MKLN1: variants seen among roughly 807,000 people sequenced by gnomAD.
MKLN1 encodes muskelin.
Under a neutral mutation model 99.0 loss-of-function variants are expected in MKLN1, and 18 were observed. The observed-to-expected ratio is 0.18, with a 90% confidence interval of 0.13 to 0.27. The LOEUF (loss-of-function observed/expected upper bound fraction) is 0.27, where lower values mean the gene tolerates loss of function less well. MKLN1 is among the 10% of genes least tolerant of loss of function. MKLN1 has a pLI of 1.00. For synonymous variants in MKLN1, 288 were observed against 293.2 expected, an observed-to-expected ratio of 0.98 and a Z score of 0.18; for missense variants, 621 against 875.9, an observed-to-expected ratio of 0.71 and a Z score of 3.67.
intron 3 of MKLN1, among the ~76,000 whole-genome samples, chr7:131,235,514 T>C (rs1178147962): frequency 6.6e-6 from 1 of 151,896 alleles, no homozygotes; most frequent in Non-Finnish European, 1.5e-5. Flanking sequence ...TTCTGGTGAG[T>C]TTTTGGCTTG....
intron 3 of MKLN1, among the ~76,000 whole-genome samples, chr7:131,228,367 C>T (rs1457204012): frequency 6.6e-6 from 1 of 152,172 alleles, no homozygotes; most frequent in African/African-American, 2.4e-5. Flanking sequence ...ATTTGACCAC[C>T]TCGGCCTCCC....
At chr7:131,172,562 G>GC (rs1003238152) in intron 2 of MKLN1, among the ~76,000 whole-genome samples, 19 of 152,170 alleles carry the variant, frequency 1.2e-4, no homozygotes, top group Non-Finnish European at 2.2e-4. Context: ...TGATCCACCT[G>GC]CCTCGGCCTC....
chr7:131,256,169 G>C (rs1205566196), intron 3 of MKLN1, among the ~76,000 whole-genome samples: 1 of 152,086 alleles, frequency 6.6e-6, no homozygotes, highest in African/African-American at 2.4e-5. Flanking sequence ...GCCTCCCAAA[G>C]TGCTGGGATT....
At chr7:131,184,958 T>C (rs1796427636) in intron 2 of MKLN1, among the ~76,000 whole-genome samples, 1 of 152,178 alleles carries the variant, frequency 6.6e-6, no homozygotes, top group African/African-American at 2.4e-5. Context: ...GGATCTACTG[T>C]ATAACTTGCC....
chr7:131,164,274 G>A (rs1173984278), intron 2 of MKLN1, among the ~76,000 whole-genome samples: 2 of 152,098 alleles, frequency 1.3e-5, no homozygotes, highest in African/African-American at 4.8e-5. Flanking sequence ...ACCATGCCTA[G>A]CTAATTTTTG....
intron 1 of MKLN1, among the ~76,000 whole-genome samples, chr7:131,120,191 A>C (rs1234318546): frequency 3.4e-5 from 4 of 117,930 alleles, no homozygotes; most frequent in Admixed American, 1.7e-4. Context: ...AAAAAAAAAG[A>C]AGCAGCCAGG....
chr7:131,240,545 T>C (rs1797387889), intron 3 of MKLN1, among the ~76,000 whole-genome samples: 2 of 152,238 alleles, frequency 1.3e-5, no homozygotes, highest in South Asian at 2.1e-4. Flanking sequence ...AATAGGAACA[T>C]TGATATTTTT....
intron 2 of MKLN1, among the ~76,000 whole-genome samples, chr7:131,173,061 C>G (rs115866149): frequency 8.6e-4 from 131 of 151,972 alleles, no homozygotes; most frequent in African/African-American, 3.1e-3. Flanking sequence ...AATGAATTGA[C>G]AAAAATCAAT....
At chr7:131,369,853 T>A (rs1217758471) in intron 1 of MKLN1, among the ~76,000 whole-genome samples, 2 of 152,226 alleles carry the variant, frequency 1.3e-5, no homozygotes, top group Non-Finnish European at 2.9e-5. Context: ...TTGTTGTTGT[T>A]GAGACAGAGT....
chr7:131,216,379 C>T (rs904041280), intron 3 of MKLN1, among the ~76,000 whole-genome samples: 1 of 149,548 alleles, frequency 6.7e-6, no homozygotes, highest in East Asian at 2.0e-4. Context: ...GCCGACATTG[C>T]GCCACTGCAC....
intron 1 of MKLN1, among the ~76,000 whole-genome samples, chr7:131,362,533 G>A (rs139473957): frequency 9.4e-4 from 143 of 152,148 alleles, no homozygotes; most frequent in Non-Finnish European, 1.5e-3. Flanking sequence ...TTCTTTGAGT[G>A]TGTAGATTCA....
At chr7:131,291,101 T>TTTTATTTATTTA (rs58711955) in intron 3 of MKLN1, among the ~76,000 whole-genome samples, 1,531 of 134,850 alleles carry the variant, frequency 0.011, 23 homozygotes, top group South Asian at 0.017. Context: ...TCTCATTTTA[T>TTTTATTTATTTA]TTTATTTATT....
intron 3 of MKLN1, among the ~76,000 whole-genome samples, chr7:131,277,287 ATT>A (rs760386545): frequency 1.4e-5 from 2 of 143,988 alleles, no homozygotes; most frequent in Non-Finnish European, 1.5e-5. Context: ...TCAATTGTGC[ATT>A]TTTTTTTTTT....
At chr7:131,193,150 A>C (rs1273114170) in intron 2 of MKLN1, among the ~76,000 whole-genome samples, 1 of 152,192 alleles carries the variant, frequency 6.6e-6, no homozygotes, top group Non-Finnish European at 1.5e-5. Context: ...GAAATTGGTT[A>C]ATATTTTCCC....
chr7:131,454,132 A>G (rs989771060), intron 12 of MKLN1, among the ~76,000 whole-genome samples: 1 of 151,058 alleles, frequency 6.6e-6, no homozygotes, highest in South Asian at 2.1e-4. Context: ...TTGACTAAGC[A>G]TTTTACTCCA....
intron 3 of MKLN1, among the ~76,000 whole-genome samples, chr7:131,287,502 A>G (rs1346033789): frequency 6.6e-6 from 1 of 152,050 alleles, no homozygotes; most frequent in Non-Finnish European, 1.5e-5. Flanking sequence ...CTTCTCTCTT[A>G]TAAGGATACA....
At chr7:131,299,121 T>G (rs1420034615) in intron 3 of MKLN1, among the ~76,000 whole-genome samples, 5 of 152,226 alleles carry the variant, frequency 3.3e-5, no homozygotes, top group Non-Finnish European at 7.3e-5. Context: ...GGATCATTAT[T>G]GTAGGGTGGT....
chr7:131,429,632 G>A (rs2116432112), intron 9 of MKLN1, among the ~76,000 whole-genome samples: 1 of 152,240 alleles, frequency 6.6e-6, no homozygotes, highest in South Asian at 2.1e-4. Context: ...AGGCTGGAGT[G>A]CAGTGGCACC....
chr7:131,275,364 G>GT, intron 3 of MKLN1, among the ~76,000 whole-genome samples: 1 of 133,160 alleles, frequency 7.5e-6, no homozygotes, highest in Non-Finnish European at 1.6e-5. Context: ...CGTTGTTGTT[G>GT]GTTTTTTTTT....
Sources: gnomAD v4.1 joint callset for allele counts (sites outside exome capture counted in the v4.1 genomes callset) on GRCh38, gnomAD v4.1.1 for gene constraint, MANE v1.5 for transcripts, NCBI Gene and HGNC (gene_info 2026-07-23, HGNC 2026-07-21) for gene names.